Variants in ORMDL2 observed in about 807,000 individuals in gnomAD.
ORMDL2 encodes the protein ORM1-like protein 2.
ORMDL2 carries 11 observed loss-of-function variants against 13.5 expected under a neutral mutation model. That is an observed-to-expected ratio of 0.82 (90% CI 0.51 to 1.35). The LOEUF (loss-of-function observed/expected upper bound fraction) is 1.35. Among genes scored for constraint, ORMDL2 ranks in the 40% most tolerant of loss-of-function variants. The pLI is 0.00. For synonymous variants in ORMDL2, 73 were observed against 76.5 expected, an observed-to-expected ratio of 0.95 and a Z score of 0.24; for missense variants, 160 against 191.1, an observed-to-expected ratio of 0.84 and a Z score of 0.96.
chr12:55,818,975 T>G, intron 1 of ORMDL2, 24 bp from the exon 2 acceptor site: 1 of 1,605,050 alleles, frequency 6.2e-7, no homozygotes, highest in Non-Finnish European at 8.5e-7. Context: ...GCTGGACTCC[T>G]GCCTGATCCC....
At chr12:55,820,203 A>G (rs1360178728) in intron 3 of ORMDL2, 57 bp from the exon 4 acceptor site, 1 of 1,525,318 alleles carries the variant, frequency 6.6e-7, no homozygotes, top group Admixed American at 2.0e-5. Flanking sequence ...TTAAAAAAAA[A>G]AAAGAATATG....
Position 55,819,393 on chromosome 12 carries a change from G to C in ORMDL2, c.226G>C (p.Asp76His). 1 of 1,614,132 alleles carries C rather than the reference G, an allele frequency of 6.2e-7. No individual in the cohort carries two copies. The highest frequency in any genetic ancestry group is 8.5e-7 in the Non-Finnish European group (1 of 1,180,020). ...TVKGTPFETPDQGKARLLTHW... is the reference protein window; with the variant it reads ...TVKGTPFETPHQGKARLLTHW... The stretch of plus-strand genomic sequence containing the variant: ...GAAAGGGACACCCTTTGAGACTCCT[G>C]ACCAAGGAAAGGCTCGGCTACTGAC... Residue 76 changes from aspartate (D) to histidine (H), a missense_variant, in exon 3 of 4, where the codon GAC becomes CAC. Coordinates refer to ENST00000243045, the MANE Select transcript of ORMDL2 (RefSeq NM_014182.5).
At chr12:55,818,922 A>G in intron 1 of ORMDL2, 77 bp from the exon 2 acceptor site, 2 of 1,284,912 alleles carry the variant, frequency 1.6e-6, no homozygotes, top group East Asian at 2.3e-5. Context: ...GCTATCTGAG[A>G]GACAACTGGG....
rs1243238816 is a variant in ORMDL2, at chr12:55,821,040, A to G, written c.*645A>G. 2.0e-5 allele frequency: 3 copies of G among 152,764 alleles called. No homozygotes were observed. The highest frequency in any genetic ancestry group is 4.8e-5 in the African/African-American group (2 of 41,466). The allele number at this position is 152,764 out of a possible 1,614,324, so 9.5% of individuals were successfully genotyped here. On this transcript the variant is annotated 3_prime_UTR_variant, in exon 4 of 4. Transcript: ENST00000243045. ...CCCCTGGCTTTAAATAGTCATGTAC[A>G]TACAAATATGAACAAACTTAAAAAA...
rs773462463 is a variant in ORMDL2, at chr12:55,821,265, G to A, written c.*870G>A. 2.0e-5 allele frequency: 3 copies of A among 152,144 alleles called. No individual in the cohort carries two copies. Among genetic ancestry groups the A allele is most frequent in the Non-Finnish European group, 2.9e-5 (2 of 68,000 alleles). 9.4% of individuals were successfully genotyped at this position (152,144 alleles called of 1,614,324 possible). ...TCAGTTTCCAGTCTCTGAACTCTAT[G>A]CGATAATCTCCTATCATTAGGGCTA... is the stretch of plus-strand genomic sequence containing the variant. On this transcript the variant is annotated 3_prime_UTR_variant, in exon 4 of 4. Transcript: ENST00000243045.
rs1880656723 is a variant in ORMDL2 at position 55,821,236 on chromosome 12, A to G, written c.*841A>G. 1 of 152,784 alleles carries G rather than the reference A, an allele frequency of 6.5e-6. No homozygotes were observed. Among genetic ancestry groups the G allele is most frequent in the East Asian group, 1.9e-4 (1 of 5,196 alleles). The allele number at this position is 152,784 out of a possible 1,614,324, so 9.5% of individuals were successfully genotyped here. The stretch of plus-strand genomic sequence containing the variant: ...TACCCACAAAGTGAAAGTCGAGGGA[A>G]AATTCAGTTTCCAGTCTCTGAACTC... On this transcript the variant is annotated 3_prime_UTR_variant, in exon 4 of 4. Coordinates refer to ENST00000243045, the MANE Select transcript of ORMDL2 (RefSeq NM_014182.5).
chr12:55,818,112 G>A lies in ORMDL2; in HGVS notation c.-2G>A, dbSNP rs1415188796. ...AGCCGGACGGGGATCTGAGCTGGCA[G>A]GTAGGAGCTGCAAAGACTGTAAGGG... On this transcript the variant is annotated splice_region_variant and 5_prime_UTR_variant, in exon 1 of 4. Transcript: ENST00000243045. 6.2e-6 allele frequency: 3 copies of A among 483,492 alleles called. No individual in the cohort carries two copies. Among genetic ancestry groups the A allele is most frequent in the Non-Finnish European group, 1.2e-5 (3 of 245,692 alleles). The allele number at this position is 483,492 out of a possible 1,614,324, so 30.0% of individuals were successfully genotyped here. A position where few individuals can be genotyped will look rare whatever the true frequency, so the allele number is the denominator to read the frequency against.
rs769835196 is a variant in ORMDL2 at position 55,820,425 on chromosome 12, A to G, written c.*30A>G. On this transcript the variant is annotated 3_prime_UTR_variant, in exon 4 of 4. Coordinates refer to ENST00000243045, the MANE Select transcript of ORMDL2 (RefSeq NM_014182.5). ...TGGGTTTTGGGACAGCTCCATGGGC[A>G]TGGGGAAGGCACTGAAACAGAGGAC... The G allele has an allele frequency of 9.3e-6, 15 of 1,612,844 alleles. No homozygotes were observed. Among genetic ancestry groups the G allele is most frequent in the Admixed American group, 1.7e-5 (1 of 59,994 alleles).
Position 55,818,096 on chromosome 12 carries a change from G to A in ORMDL2, c.-18G>A, listed in dbSNP as rs1365263899. 2.0e-6 allele frequency: 1 copy of A among 497,700 alleles called. No individual in the cohort carries two copies. Among genetic ancestry groups the A allele is most frequent in the Non-Finnish European group, 3.9e-6 (1 of 255,046 alleles). 30.8% of individuals were successfully genotyped at this position (497,700 alleles called of 1,614,324 possible). On this transcript the variant is annotated 5_prime_UTR_variant, in exon 1 of 4. Transcript: ENST00000243045. ...CCGGCGCCGCGCCCATAGCCGGACG[G>A]GGATCTGAGCTGGCAGGTAGGAGCT...
chr12:55,818,213 A>T lies in ORMDL2; in HGVS notation c.-2+101A>T, dbSNP rs183488627. 7.0e-4 allele frequency: 255 copies of T among 365,392 alleles called. 2 individuals carry two copies. The highest frequency in any genetic ancestry group is 5.1e-3 in the African/African-American group (235 of 46,518). The allele number at this position is 365,392 out of a possible 1,614,324, so 22.6% of individuals were successfully genotyped here. A position where few individuals can be genotyped will look rare whatever the true frequency, so the allele number is the denominator to read the frequency against. ...CCTAAATACTGAGAGGGGAGCGCTG[A>T]AGGGAGCCCTGAAAAAACCGATGAA... is the stretch of plus-strand genomic sequence containing the variant. On this transcript the variant is annotated intron_variant, in intron 1 of 3. Transcript: ENST00000243045.
rs1565687084 is a variant in ORMDL2, at chr12:55,818,764, G to A, written c.-1-235G>A. The A allele has an allele frequency of 7.0e-5, 36 of 511,238 alleles. No individual in the cohort carries two copies. In the South Asian group the frequency reaches 1.0e-3, roughly 14 times the overall value. 31.7% of individuals were successfully genotyped at this position (511,238 alleles called of 1,614,324 possible). On this transcript the variant is annotated intron_variant, in intron 1 of 3. Coordinates refer to ENST00000243045, the MANE Select transcript of ORMDL2 (RefSeq NM_014182.5). ...ACACATACACCTTCATGTTACAGTT[G>A]ACGTGTAAAGATCAGAGCAATAATG... is the stretch of plus-strand genomic sequence containing the variant.
chr12:55,820,036 A>G (rs1880623889), intron 3 of ORMDL2, among the ~76,000 whole-genome samples: 1 of 152,198 alleles, frequency 6.6e-6, no homozygotes, highest in Non-Finnish European at 1.5e-5. Context: ...TAGAAGAGAA[A>G]GAGCAGGGCA....
Position 55,820,258 on chromosome 12 carries a change from A to G in ORMDL2, c.327-2A>G. On this transcript the variant is annotated splice_acceptor_variant, in intron 3 of 3. Transcript: ENST00000243045. LOFTEE classifies it high-confidence loss of function. ...ACTCACCCTATTTTTTTCTCTCCCC[A>G]GCTATCTCCTGGCCAGCTTCTATAC... The G allele has an allele frequency of 6.2e-7, 1 of 1,607,262 alleles. No individual in the cohort carries two copies. Among genetic ancestry groups the G allele is most frequent in the African/African-American group, 1.3e-5 (1 of 74,658 alleles).
At position 55,820,532 on chromosome 12, in the gene ORMDL2, C is replaced by A. The variant is rs942299535; in HGVS notation, c.*137C>A. On this transcript the variant is annotated 3_prime_UTR_variant, in exon 4 of 4. Transcript: ENST00000243045. The stretch of plus-strand genomic sequence containing the variant: ...AACTATACAACCTTTCCCAGACTCC[C>A]AAGAAGAGAAGAGATTGGCAAATGG... 23 of 1,063,496 alleles carry A rather than the reference C, an allele frequency of 2.2e-5. No homozygotes were observed. Among genetic ancestry groups the A allele is most frequent in the Non-Finnish European group, 3.1e-5 (22 of 704,708 alleles). The allele number at this position is 1,063,496 out of a possible 1,614,324, so 65.9% of individuals were successfully genotyped here. A position where few individuals can be genotyped will look rare whatever the true frequency, so the allele number is the denominator to read the frequency against.
Position 55,821,774 on chromosome 12 carries a change from T to C in ORMDL2, c.*1379T>C, listed in dbSNP as rs1409078703. 1.9e-5 allele frequency: 8 copies of C among 415,990 alleles called. No individual in the cohort carries two copies. Among genetic ancestry groups the C allele is most frequent in the Non-Finnish European group, 8.2e-6 (2 of 245,172 alleles). The allele number at this position is 415,990 out of a possible 1,614,324, so 25.8% of individuals were successfully genotyped here. On this transcript the variant is annotated 3_prime_UTR_variant, in exon 4 of 4. Transcript: ENST00000243045. ...CAGGAGGCTGAGATGGGAGAATTGC[T>C]TGAACCCGGGAGACAGAGGTTGCAG... is the stretch of plus-strand genomic sequence containing the variant.
chr12:55,820,541 A>C lies in ORMDL2; in HGVS notation c.*146A>C. 1 of 986,042 alleles carries C rather than the reference A, an allele frequency of 1.0e-6. No individual in the cohort carries two copies. The highest frequency in any genetic ancestry group is 1.5e-6 in the Non-Finnish European group (1 of 646,576). The allele number at this position is 986,042 out of a possible 1,614,324, so 61.1% of individuals were successfully genotyped here. On this transcript the variant is annotated 3_prime_UTR_variant, in exon 4 of 4. Transcript: ENST00000243045. ...ACCTTTCCCAGACTCCCAAGAAGAG[A>C]AGAGATTGGCAAATGGGGCTCCTGG...
chr12:55,820,059 C>T (rs906451129), intron 3 of ORMDL2, among the ~76,000 whole-genome samples: 1 of 152,190 alleles, frequency 6.6e-6, no homozygotes, highest in Admixed American at 6.5e-5. Context: ...GTGGTGCATG[C>T]CTGGAGTCCC....
rs896686378 is a variant in ORMDL2, at chr12:55,818,073, G to T, written c.-41G>T. 10 of 523,410 alleles carry T rather than the reference G, an allele frequency of 1.9e-5. No individual in the cohort carries two copies. The highest frequency in any genetic ancestry group is 1.7e-4 in the African/African-American group (9 of 52,756). The allele number at this position is 523,410 out of a possible 1,614,324, so 32.4% of individuals were successfully genotyped here. A position where few individuals can be genotyped will look rare whatever the true frequency, so the allele number is the denominator to read the frequency against. On this transcript the variant is annotated 5_prime_UTR_variant, in exon 1 of 4. Transcript: ENST00000243045. ...CCTGGAGACTTCAGGTGTGGTAGCCGGCGCCGCGCCCATAGCCGGACGGGG... is the reference window on the plus strand; with the variant it reads ...CCTGGAGACTTCAGGTGTGGTAGCCTGCGCCGCGCCCATAGCCGGACGGGG...
Position 55,821,059 on chromosome 12 carries a change from T to TA in ORMDL2, c.*674dup, listed in dbSNP as rs150092729. Reference sequence around the variant, plus strand: ...ATGTACATACAAATATGAACAAACTTAAAAAAAAAATACAAACCCTTGGAT... The same window carrying TA: ...ATGTACATACAAATATGAACAAACTTAAAAAAAAAAATACAAACCCTTGGAT... On this transcript the variant is annotated 3_prime_UTR_variant, in exon 4 of 4. Transcript: ENST00000243045. 9.8e-4 allele frequency: 147 copies of TA among 150,688 alleles called. No individual in the cohort carries two copies. The highest frequency in any genetic ancestry group is 3.1e-3 in the African/African-American group (128 of 41,004). 9.3% of individuals were successfully genotyped at this position (150,688 alleles called of 1,614,324 possible).
Sources: allele counts gnomAD v4.1 joint callset (sites outside exome capture counted in the v4.1 genomes callset), GRCh38; gene constraint gnomAD v4.1.1; transcripts MANE v1.5; gene names NCBI Gene and HGNC (gene_info 2026-07-23, HGNC 2026-07-21).